DNAJB6: variants seen among roughly 807,000 people sequenced by gnomAD.
DNAJB6 encodes the protein DnaJ heat shock protein family (Hsp40) member B6.
DNAJB6 carries 16 observed loss-of-function variants against 42.7 expected under a neutral mutation model. The observed-to-expected ratio is 0.37, with a 90% CI of 0.25 to 0.57. The LOEUF (loss-of-function observed/expected upper bound fraction) is 0.57, where lower values mean the gene tolerates loss of function less well. Ranked by LOEUF, DNAJB6 falls within the 20% of genes least tolerant of loss-of-function variation. DNAJB6 has a pLI of 0.74. For missense variants in DNAJB6, 347 were observed against 416.8 expected (o/e 0.83, Z 1.46); for synonymous variants, 170 against 163.5 (o/e 1.04, Z -0.30).
Position 157,409,849 on chromosome 7 carries a change from C to T in DNAJB6, c.746C>T (p.Ala249Val), listed in dbSNP as rs886405967. 2 of 1,533,504 alleles carry T rather than the reference C, an allele frequency of 1.3e-6. No individual in the cohort carries two copies. The highest frequency in any genetic ancestry group is 2.7e-5 in the African/African-American group (2 of 72,916). The allele number at this position is 1,533,504 out of a possible 1,614,324, so 95.0% of individuals were successfully genotyped here. Residue 249 changes from alanine (A) to valine (V), a missense_variant, in exon 9 of 10, where the codon GCC (alanine) becomes GTC (valine). Physicochemically the swap from Ala to Val is moderately conservative, Grantham distance 64. Around this residue, in one of 3 missense-constraint regions of DNAJB6, gnomAD observed 264 missense variants for 288.0 expected, o/e 0.92. Coordinates refer to ENST00000262177, the MANE Select transcript of DNAJB6 (RefSeq NM_058246.4). Reference protein sequence around the residue: ...AEERMRRGQNALPAQPAGLRP... With the variant: ...AEERMRRGQNVLPAQPAGLRP... ...GAGCGCATGCGGAGAGGCCAGAACG[C>T]CCTGCCAGCCCAGCCTGCCGGCCTC... is the stretch of plus-strand genomic sequence containing the variant.
chr7:157,407,206 C>T (rs1253974068), intron 8 of DNAJB6, among the ~76,000 whole-genome samples: 1 of 152,226 alleles, frequency 6.6e-6, no homozygotes, highest in Non-Finnish European at 1.5e-5. Context: ...GTTACCCTGC[C>T]CCCATTTTCC....
chr7:157,416,057 G>A lies in DNAJB6; in HGVS notation c.940G>A (p.Glu314Lys), dbSNP rs1584956408. The change falls in exon 10 of 10, where the codon GAG becomes AAG. Residue 314 changes from glutamate to lysine, a missense_variant. Transcript: ENST00000262177. ...CAAGAGGAAGAAGCAGAAGCAGAGAGAGGAGTCGAAGAAGAAGAAGTCGAC... is the reference window on the plus strand; with the variant it reads ...CAAGAGGAAGAAGCAGAAGCAGAGAAAGGAGTCGAAGAAGAAGAAGTCGAC... ...GGKRKKQKQREESKKKKSTKG... is the reference protein window; with the variant it reads ...GGKRKKQKQRKESKKKKSTKG... 6.2e-7 allele frequency: 1 copy of A among 1,614,228 alleles called. No individual in the cohort carries two copies. The highest frequency in any genetic ancestry group is 2.2e-5 in the East Asian group (1 of 44,890).
At chr7:157,368,050 A>G (rs1181052198) in intron 5 of DNAJB6, among the ~76,000 whole-genome samples, 1 of 152,104 alleles carries the variant, frequency 6.6e-6, no homozygotes, top group African/African-American at 2.4e-5. Flanking sequence ...GATTTCCTTG[A>G]GCCTGGGAGG....
At chr7:157,345,712 A>G (rs892479703) in intron 1 of DNAJB6, among the ~76,000 whole-genome samples, 6 of 152,200 alleles carry the variant, frequency 3.9e-5, no homozygotes, top group African/African-American at 9.6e-5. Flanking sequence ...CAAATTTTAA[A>G]TTGTGTATAA....
intron 2 of DNAJB6, 101 bp from the exon 3 acceptor site, chr7:157,363,060 T>G: frequency 1.4e-6 from 1 of 705,030 alleles, no homozygotes; most frequent in East Asian, 2.9e-5. Flanking sequence ...TCTCACCAGT[T>G]GGCAGCTCTG....
At chr7:157,404,822 G>A (rs995739557) in intron 8 of DNAJB6, among the ~76,000 whole-genome samples, 1 of 151,932 alleles carries the variant, frequency 6.6e-6, no homozygotes, top group South Asian at 2.1e-4. Context: ...GGGTCTTTCT[G>A]TGTTACCCAA....
chr7:157,345,537 A>C (rs971722897), intron 1 of DNAJB6, among the ~76,000 whole-genome samples: 14 of 151,988 alleles, frequency 9.2e-5, no homozygotes, highest in African/African-American at 3.1e-4. Flanking sequence ...GGCTGGTCTC[A>C]AGCTCTTGGG....
intron 8 of DNAJB6, among the ~76,000 whole-genome samples, chr7:157,409,545 GC>G (rs1295392268): frequency 6.6e-6 from 1 of 152,246 alleles, no homozygotes; most frequent in Admixed American, 6.5e-5. Context: ...AGCTGGTGGG[GC>G]GGGGAGCCGC....
In DNAJB6 at chr7:157,384,931, T is replaced by C. The variant is rs748508450; in HGVS notation, c.543T>C (p.Gly181=). Reference sequence around the variant, plus strand: ...CTTCATTCTCTTCCACGTCATTTGGTGGTAGTGGCATGGGCAACTTCAAAT... The same window carrying C: ...CTTCATTCTCTTCCACGTCATTTGGCGGTAGTGGCATGGGCAACTTCAAAT... ...GLTSFSSTSF[G]GSGMGNFKSI... Residue 181 remains glycine (G), a synonymous_variant, in exon 7 of 10, where the codon GGT becomes GGC. Coordinates refer to ENST00000262177, the MANE Select transcript of DNAJB6 (RefSeq NM_058246.4). 6.2e-7 allele frequency: 1 copy of C among 1,613,908 alleles called. No homozygotes were observed. The highest frequency in any genetic ancestry group is 2.2e-5 in the East Asian group (1 of 44,884).
At position 157,358,599 on chromosome 7, in the gene DNAJB6, C is replaced by A. The variant is rs777810548; in HGVS notation, c.27C>A (p.Gly9=). MVDYYEVL[G]VQRHASPEDI... Reference sequence around the variant, plus strand: ...TGGTGGATTACTATGAAGTTCTAGGCGTGCAGAGACATGCCTCACCCGAGG... The same window carrying A: ...TGGTGGATTACTATGAAGTTCTAGGAGTGCAGAGACATGCCTCACCCGAGG... The change falls in exon 2 of 10, where the codon GGC becomes GGA. Residue 9 remains glycine, a synonymous_variant. Transcript: ENST00000262177. 4.3e-6 allele frequency: 7 copies of A among 1,613,806 alleles called. No individual in the cohort carries two copies. Among genetic ancestry groups the A allele is most frequent in the Admixed American group, 3.3e-5 (2 of 60,014 alleles).
intron 8 of DNAJB6, among the ~76,000 whole-genome samples, chr7:157,404,887 C>T (rs1207916144): frequency 1.3e-5 from 2 of 152,190 alleles, no homozygotes; most frequent in African/African-American, 4.8e-5. Flanking sequence ...GATCCTCCTG[C>T]CTCAGCCTCC....
At chr7:157,341,832 A>G (rs998081233) in intron 1 of DNAJB6, among the ~76,000 whole-genome samples, 1 of 152,218 alleles carries the variant, frequency 6.6e-6, no homozygotes, top group Non-Finnish European at 1.5e-5. Context: ...GTTGGAAAAA[A>G]TAAGTTTCAG....
chr7:157,401,460 C>G (rs1343065442), intron 8 of DNAJB6, among the ~76,000 whole-genome samples: 1 of 152,206 alleles, frequency 6.6e-6, no homozygotes. Context: ...ATCTGCCTGC[C>G]TCGGCCTCCC....
At chr7:157,391,027 G>C (rs1195539592) in intron 8 of DNAJB6, among the ~76,000 whole-genome samples, 1 of 152,108 alleles carries the variant, frequency 6.6e-6, no homozygotes, top group African/African-American at 2.4e-5. Flanking sequence ...GTGGAGACAG[G>C]GTTTTGCCGT....
At chr7:157,339,330 G>GT in intron 1 of DNAJB6, among the ~76,000 whole-genome samples, 1 of 112,666 alleles carries the variant, frequency 8.9e-6, no homozygotes, top group Non-Finnish European at 1.6e-5. Context: ...GTCTTGCTCT[G>GT]TCGCCCAGGC....
rs370669285 is a variant in DNAJB6 at position 157,366,574 on chromosome 7, G to T, written c.235+13G>T. On this transcript the variant is annotated intron_variant, in intron 4 of 9. Coordinates refer to ENST00000262177, the MANE Select transcript of DNAJB6 (RefSeq NM_058246.4). ...GGTGGAGGAGGAGGTAAGTACGTGA[G>T]TTTTTTCTTTGAAGACAAAAGGTCT... 6.2e-7 allele frequency: 1 copy of T among 1,612,990 alleles called. No individual in the cohort carries two copies. The highest frequency in any genetic ancestry group is 8.5e-7 in the Non-Finnish European group (1 of 1,179,408).
At chr7:157,339,578 C>G (rs1032054481) in intron 1 of DNAJB6, among the ~76,000 whole-genome samples, 2 of 151,066 alleles carry the variant, frequency 1.3e-5, no homozygotes, top group African/African-American at 4.9e-5. Context: ...GGATTACAGG[C>G]ATGAGCCACC....
At chr7:157,340,683 C>G (rs921677276) in intron 1 of DNAJB6, among the ~76,000 whole-genome samples, 1 of 152,080 alleles carries the variant, frequency 6.6e-6, no homozygotes, top group Non-Finnish European at 1.5e-5. Flanking sequence ...AGTTGACTGA[C>G]TGATTTACTT....
At chr7:157,371,760 C>T (rs946205550) in intron 5 of DNAJB6, among the ~76,000 whole-genome samples, 3 of 152,162 alleles carry the variant, frequency 2.0e-5, no homozygotes, top group African/African-American at 7.2e-5. Context: ...TTAGAGGACC[C>T]TATTGCTCAG....
Sources: allele counts gnomAD v4.1 joint callset (sites outside exome capture counted in the v4.1 genomes callset), GRCh38; gene constraint gnomAD v4.1.1; regional missense constraint gnomAD v4.1.1; transcripts MANE v1.5; gene names NCBI Gene and HGNC (gene_info 2026-07-23, HGNC 2026-07-21).